CYRIA: variants seen among roughly 807,000 people sequenced by gnomAD.
CYRIA encodes the protein CYFIP-related Rac1 interactor A.
A neutral mutation model predicts 43.9 loss-of-function variants in CYRIA; 15 were observed. That is an observed-to-expected ratio of 0.34 (90% confidence interval 0.23 to 0.53). CYRIA has a LOEUF of 0.53. Ranked by LOEUF, CYRIA falls within the 20% of genes least tolerant of loss-of-function variation. The probability of loss-of-function intolerance (pLI) is 0.94; values close to 1 mark genes in which losing one functional copy is unlikely to be tolerated. For synonymous variants in CYRIA, 117 were observed against 136.0 expected (o/e 0.86, Z 0.97); for missense variants, 236 against 394.2 (o/e 0.60, Z 3.40).
intron 1 of CYRIA, among the ~76,000 whole-genome samples, chr2:16,635,409 C>T (rs1023594052): frequency 1.1e-4 from 17 of 152,132 alleles, no homozygotes; most frequent in Admixed American, 4.6e-4. Flanking sequence ...AACATTGCCA[C>T]GGATGCTACA....
intron 1 of CYRIA, among the ~76,000 whole-genome samples, chr2:16,645,757 G>A (rs574190147): frequency 6.6e-6 from 1 of 152,306 alleles, no homozygotes; most frequent in South Asian, 2.1e-4. Flanking sequence ...GAAGTAGGAG[G>A]ATGCTACAGT....
At chr2:16,647,403 G>T in intron 1 of CYRIA, among the ~76,000 whole-genome samples, 1 of 152,100 alleles carries the variant, frequency 6.6e-6, no homozygotes, top group South Asian at 2.1e-4. Flanking sequence ...TTCTGGTTTT[G>T]CCATGTGTGA....
chr2:16,600,057 G>T lies in CYRIA; in HGVS notation c.-10-11928C>A, dbSNP rs1260694527. Among the ~76,000 whole-genome samples the T allele has an allele frequency of 2.6e-5, 4 of 152,280 alleles. No individual in the cohort carries two copies. The South Asian group carries it at 8.3e-4, about 32-fold the overall frequency. ...AGGCGTGAGCCATCGTGCCTGGCCA[G>T]ATTTTACTTTTTAACCAAACAGTTG... On this transcript the variant is annotated intron_variant, in intron 2 of 11. Coordinates refer to ENST00000381323, the MANE Select transcript of CYRIA (RefSeq NM_030797.4).
chr2:16,643,060 ATTACT>A lies in CYRIA; in HGVS notation c.-166-19046_-166-19042del, dbSNP rs373554832. Among the ~76,000 whole-genome samples the A allele has an allele frequency of 6.6e-3, 987 of 150,106 alleles. 5 individuals carry two copies. Among genetic ancestry groups the A allele is most frequent in the Middle Eastern group, 0.011 (3 of 280 alleles). ...ATTATTACCTAAATAAGATAAATAC[ATTACT>A]TTAGTACTTTTTTCTTAATGTTATT... On this transcript the variant is annotated intron_variant, in intron 1 of 11. Coordinates refer to ENST00000381323, the MANE Select transcript of CYRIA (RefSeq NM_030797.4).
At chr2:16,572,330 A>AT (rs35157297) in intron 3 of CYRIA, among the ~76,000 whole-genome samples, 34,957 of 147,626 alleles carry the variant, frequency 0.24, 4,285 homozygotes, top group Admixed American at 0.36. Flanking sequence ...CAAAAAATGA[A>AT]TTTTTTTTTT....
chr2:16,662,040 G>T (rs1022763730), intron 1 of CYRIA, among the ~76,000 whole-genome samples: 8 of 152,058 alleles, frequency 5.3e-5, no homozygotes, highest in African/African-American at 1.9e-4. Context: ...TAAAACTCAG[G>T]GTGTTTGCTG....
Position 16,662,106 on chromosome 2 carries a change from T to C in CYRIA, c.-167+3674A>G, listed in dbSNP as rs775372114. 4.9e-4 allele frequency among the ~76,000 whole-genome samples: 74 copies of C among 152,272 alleles called. 1 individual carries two copies. The highest frequency in any genetic ancestry group is 1.3e-3 in the Admixed American group (20 of 15,298). ...AGAGTGTTGGTGATTCGTGCATTGT[T>C]GTGGTATTGTAGAACATAGCTTATC... is the stretch of plus-strand genomic sequence containing the variant. On this transcript the variant is annotated intron_variant, in intron 1 of 11. Coordinates refer to ENST00000381323, the MANE Select transcript of CYRIA (RefSeq NM_030797.4).
Position 16,561,458 on chromosome 2 carries a change from G to T in CYRIA, c.511C>A (p.His171Asn). 1 of 1,613,532 alleles carries T rather than the reference G, an allele frequency of 6.2e-7. No individual in the cohort carries two copies. The highest frequency in any genetic ancestry group is 8.5e-7 in the Non-Finnish European group (1 of 1,179,524). Residue 171 changes from histidine to asparagine, a missense_variant and splice_region_variant, in exon 7 of 12, where the codon CAC (histidine) becomes AAC (asparagine). His to Asn is a moderately conservative substitution (Grantham distance 68, BLOSUM62 1). This residue lies in a region of CYRIA where 193 missense variants were observed against 303.9 expected (regional missense o/e 0.64). Coordinates refer to ENST00000381323, the MANE Select transcript of CYRIA (RefSeq NM_030797.4). ...GTCAAGGCGACCCAGGGACTCACGTGCATGTTGTTGATGCGGTTGCGACTG... is the reference window on the plus strand; with the variant it reads ...GTCAAGGCGACCCAGGGACTCACGTTCATGTTGTTGATGCGGTTGCGACTG... ...TISRNRINNM[H>N]LDIENEVNNE... is the part of the protein sequence containing the mutation.
intron 2 of CYRIA, among the ~76,000 whole-genome samples, chr2:16,623,496 G>T (rs1423141855): frequency 1.3e-5 from 2 of 152,126 alleles, no homozygotes; most frequent in Non-Finnish European, 2.9e-5. Flanking sequence ...TCTGACATGG[G>T]ATCTAAATTC....
At chr2:16,599,604 C>T (rs1311308915) in intron 2 of CYRIA, among the ~76,000 whole-genome samples, 3 of 141,680 alleles carry the variant, frequency 2.1e-5, no homozygotes, top group Admixed American at 7.1e-5. Flanking sequence ...GCACGGTGCG[C>T]ACACACACTG....
intron 3 of CYRIA, among the ~76,000 whole-genome samples, chr2:16,566,336 C>T (rs974657745): frequency 6.6e-6 from 1 of 152,112 alleles, no homozygotes; most frequent in Non-Finnish European, 1.5e-5. Flanking sequence ...AAAGGAGAAG[C>T]AACTGAATAT....
intron 1 of CYRIA, among the ~76,000 whole-genome samples, chr2:16,657,480 G>GTT (rs5829557): frequency 8.5e-5 from 12 of 140,518 alleles, no homozygotes; most frequent in African/African-American, 3.1e-4. Context: ...GTTTTTTGTT[G>GTT]TTTTTTTTTT....
At chr2:16,644,735 A>G (rs1280943044) in intron 1 of CYRIA, among the ~76,000 whole-genome samples, 3 of 152,218 alleles carry the variant, frequency 2.0e-5, no homozygotes, top group African/African-American at 7.2e-5. Flanking sequence ...AGATGATTCC[A>G]GCATCACTGC....
At chr2:16,655,518 T>C (rs1041849468) in intron 1 of CYRIA, among the ~76,000 whole-genome samples, 1 of 152,172 alleles carries the variant, frequency 6.6e-6, no homozygotes, top group Non-Finnish European at 1.5e-5. Context: ...ACTGCAACAA[T>C]ATTTCACATT....
Position 16,556,921 on chromosome 2 carries a change from AT to A in CYRIA, c.838-1783del, listed in dbSNP as rs1276140447. Among the ~76,000 whole-genome samples, 9 of 152,188 alleles carry A rather than the reference AT, an allele frequency of 5.9e-5. No homozygotes were observed. The South Asian group carries it at 1.9e-3, about 32-fold the overall frequency. On this transcript the variant is annotated intron_variant, in intron 10 of 11. Coordinates refer to ENST00000381323, the MANE Select transcript of CYRIA (RefSeq NM_030797.4). ...TAGACACTGGTTGGAGGACGATGAA[AT>A]ACCTGAGACGGGAACCCAGGAGAAG... is the stretch of plus-strand genomic sequence containing the variant.
intron 1 of CYRIA, among the ~76,000 whole-genome samples, chr2:16,627,073 A>T (rs1669192434): frequency 6.6e-6 from 1 of 152,238 alleles, no homozygotes; most frequent in African/African-American, 2.4e-5. Flanking sequence ...CCTGTCTTCC[A>T]GTCTAGCGAC....
chr2:16,587,886 T>C (rs1309501860), intron 3 of CYRIA, among the ~76,000 whole-genome samples, 164 bp downstream of exon 3: 2 of 152,160 alleles, frequency 1.3e-5, no homozygotes, highest in Non-Finnish European at 2.9e-5. Flanking sequence ...CTTTATAAAT[T>C]ACTCAGTCTC....
At chr2:16,609,019 AAC>A (rs2103487624) in intron 2 of CYRIA, among the ~76,000 whole-genome samples, 1 of 152,308 alleles carries the variant, frequency 6.6e-6, no homozygotes, top group South Asian at 2.1e-4. Context: ...TCCAAAAAAA[AAC>A]ACAGAGCATT....
chr2:16,599,569 A>G, intron 2 of CYRIA, among the ~76,000 whole-genome samples: 2 of 136,776 alleles, frequency 1.5e-5, no homozygotes, highest in South Asian at 2.6e-4. Context: ...CAGGTGAGGC[A>G]ATGCCTCGCC....
Sources: allele counts gnomAD v4.1 joint callset (sites outside exome capture counted in the v4.1 genomes callset), GRCh38; gene constraint gnomAD v4.1.1; regional missense constraint gnomAD v4.1.1; transcripts MANE v1.5; gene names NCBI Gene and HGNC (gene_info 2026-07-23, HGNC 2026-07-21).